The following CDCA7L variants were observed in gnomAD, a reference collection of about 807,000 sequenced individuals.
CDCA7L encodes cell division cycle associated 7 like, also known as cell division cycle-associated 7-like protein.
Under a neutral mutation model 57.4 loss-of-function variants are expected in CDCA7L, and 44 were observed. That is an observed-to-expected ratio of 0.77 (90% CI 0.60 to 0.98). The LOEUF (loss-of-function observed/expected upper bound fraction) is 0.98, where lower values mean the gene tolerates loss of function less well. Ranked by LOEUF, CDCA7L falls within the 50% of genes least tolerant of loss-of-function variation. CDCA7L has a pLI of 0.00. For synonymous variants in CDCA7L, 236 were observed against 202.8 expected (o/e 1.16, Z -1.39); for missense variants, 644 against 580.6 (o/e 1.11, Z -1.12).
At chr7:21,908,827 A>G (rs982721446) in intron 3 of CDCA7L, among the ~76,000 whole-genome samples, 1 of 152,220 alleles carries the variant, frequency 6.6e-6, no homozygotes, top group Non-Finnish European at 1.5e-5. Context: ...AGGGAGCACC[A>G]GCAAGAGGAG....
intron 3 of CDCA7L, among the ~76,000 whole-genome samples, chr7:21,908,899 C>A (rs538355215): frequency 7.2e-5 from 11 of 152,266 alleles, no homozygotes; most frequent in African/African-American, 2.6e-4. Flanking sequence ...CAGGAAAGGA[C>A]GCAACGGGGG....
intron 1 of CDCA7L, among the ~76,000 whole-genome samples, chr7:21,930,316 G>A (rs1166407763): frequency 6.6e-6 from 1 of 152,216 alleles, no homozygotes; most frequent in Non-Finnish European, 1.5e-5. Flanking sequence ...AGCTAAAGCA[G>A]TGTTGAGAGG....
At chr7:21,911,855 G>T in intron 2 of CDCA7L, 101 bp from the exon 3 acceptor site, 1 of 1,066,268 alleles carries the variant, frequency 9.4e-7, no homozygotes, top group Non-Finnish European at 1.3e-6. Context: ...AGCTTCTGAT[G>T]GAGATGACGA....
rs529757056 is a variant in CDCA7L, at chr7:21,919,273, A to G, written c.25-2379T>C. On this transcript the variant is annotated intron_variant, in intron 1 of 9. Transcript: ENST00000406877. ...ATGGATTTCTAAAAATTATTATTAA[A>G]TGTGTTATAATCCATACTCTCATAA... 2.0e-5 allele frequency among the ~76,000 whole-genome samples: 3 copies of G among 152,264 alleles called. No individual in the cohort carries two copies. In the South Asian group the frequency reaches 6.2e-4, roughly 32 times the overall value.
chr7:21,938,962 T>A (rs1786258830), intron 1 of CDCA7L, among the ~76,000 whole-genome samples: 2 of 152,128 alleles, frequency 1.3e-5, no homozygotes, highest in Admixed American at 1.3e-4. Context: ...TGAGCCACGA[T>A]AGCACCACTG....
intron 2 of CDCA7L, among the ~76,000 whole-genome samples, chr7:21,914,101 T>C (rs1392564400): frequency 6.6e-6 from 1 of 152,142 alleles, no homozygotes; most frequent in East Asian, 1.9e-4. Flanking sequence ...GAAGCTAACA[T>C]AGGTGGATAA....
At position 21,911,705 on chromosome 7, in the gene CDCA7L, ATTC is replaced by A. The variant is rs1785333716; in HGVS notation, c.212_214del (p.Arg71del). The A allele has an allele frequency of 6.2e-7, 1 of 1,613,960 alleles. No individual in the cohort carries two copies. Among genetic ancestry groups the A allele is most frequent in the Non-Finnish European group, 8.5e-7 (1 of 1,179,988 alleles). ...CTCTGAGTCAGTGTCCTCTATAAAAATTCTTCTTAGCTCTTCTGTGAAGTATTT... is the reference window on the plus strand; with the variant it reads ...CTCTGAGTCAGTGTCCTCTATAAAAATTCTTAGCTCTTCTGTGAAGTATTT... On this transcript the variant is annotated inframe_deletion, in exon 3 of 10. Coordinates refer to ENST00000406877, the MANE Select transcript of CDCA7L (RefSeq NM_018719.5).
At chr7:21,906,997 T>A (rs1445034344) in intron 4 of CDCA7L, among the ~76,000 whole-genome samples, 1 of 152,088 alleles carries the variant, frequency 6.6e-6, no homozygotes, top group Non-Finnish European at 1.5e-5. Context: ...CACACGTGAG[T>A]CTCAAGTTTC....
intron 3 of CDCA7L, among the ~76,000 whole-genome samples, chr7:21,910,338 G>C (rs146240415): frequency 1.2e-4 from 18 of 152,332 alleles, no homozygotes; most frequent in African/African-American, 4.3e-4. Flanking sequence ...AGCCAAAGGA[G>C]ACCTGGGGCC....
intron 1 of CDCA7L, among the ~76,000 whole-genome samples, chr7:21,927,581 C>CA (rs2128066014): frequency 6.6e-6 from 1 of 152,168 alleles, no homozygotes; most frequent in African/African-American, 2.4e-5. Flanking sequence ...AGAAAGAAAA[C>CA]AGAGAGAAAA....
intron 1 of CDCA7L, among the ~76,000 whole-genome samples, chr7:21,928,216 A>C (rs1206899812): frequency 1.3e-5 from 2 of 152,192 alleles, no homozygotes; most frequent in Non-Finnish European, 2.9e-5. Flanking sequence ...GAGGGGCCTG[A>C]CTGTTAGAAG....
intron 2 of CDCA7L, among the ~76,000 whole-genome samples, chr7:21,914,957 G>A (rs1426151245): frequency 6.6e-6 from 1 of 152,152 alleles, no homozygotes; most frequent in African/African-American, 2.4e-5. Flanking sequence ...CTTTAGACAT[G>A]TTCTGCCTTG....
chr7:21,917,429 A>T (rs1487986350), intron 1 of CDCA7L, among the ~76,000 whole-genome samples: 1 of 152,238 alleles, frequency 6.6e-6, no homozygotes, highest in African/African-American at 2.4e-5. Flanking sequence ...GATTAATTCT[A>T]ACAGAATTCA....
intron 2 of CDCA7L, among the ~76,000 whole-genome samples, chr7:21,914,020 A>G (rs1369366984): frequency 1.3e-5 from 2 of 152,202 alleles, no homozygotes; most frequent in African/African-American, 4.8e-5. Context: ...CAAAATCAAT[A>G]CTGGGTGCTA....
intron 3 of CDCA7L, 44 bp from the exon 4 acceptor site, chr7:21,908,551 G>T: frequency 7.0e-7 from 1 of 1,421,056 alleles, no homozygotes; most frequent in Non-Finnish European, 9.2e-7. Context: ...CACTGTTACA[G>T]ACCCACAAAA....
At chr7:21,935,940 G>A (rs550880237) in intron 1 of CDCA7L, among the ~76,000 whole-genome samples, 8 of 152,074 alleles carry the variant, frequency 5.3e-5, no homozygotes, top group South Asian at 4.1e-4. Context: ...CCCAGGAGGC[G>A]GAGGTTGCAG....
At chr7:21,905,432 G>C (rs752909106) in intron 7 of CDCA7L, 74 bp downstream of exon 7, 6 of 1,526,494 alleles carry the variant, frequency 3.9e-6, no homozygotes, top group Non-Finnish European at 4.5e-6. Flanking sequence ...CCCTGATAGA[G>C]TTTAAAAACA....
Position 21,911,615 on chromosome 7 carries a change from A to C in CDCA7L, c.303+2T>G. On this transcript the variant is annotated splice_donor_variant, in intron 3 of 9. Coordinates refer to ENST00000406877, the MANE Select transcript of CDCA7L (RefSeq NM_018719.5). LOFTEE classifies it high-confidence loss of function. Reference sequence around the variant, plus strand: ...CACATCCCTTCCTGTTGTAATTATTACCATTACTTCTGGGTTAGTCTTTCC... The same window carrying C: ...CACATCCCTTCCTGTTGTAATTATTCCCATTACTTCTGGGTTAGTCTTTCC... The C allele has an allele frequency of 6.2e-7, 1 of 1,608,526 alleles. No individual in the cohort carries two copies. Among genetic ancestry groups the C allele is most frequent in the East Asian group, 2.2e-5 (1 of 44,700 alleles).
intron 1 of CDCA7L, among the ~76,000 whole-genome samples, chr7:21,935,945 T>C (rs1423865205): frequency 6.6e-6 from 1 of 151,862 alleles, no homozygotes; most frequent in African/African-American, 2.4e-5. Context: ...GAGGCGGAGG[T>C]TGCAGTGAGC....
Sources: gnomAD v4.1 joint callset for allele counts (sites outside exome capture counted in the v4.1 genomes callset) on GRCh38, gnomAD v4.1.1 for gene constraint, MANE v1.5 for transcripts, NCBI Gene and HGNC (gene_info 2026-07-23, HGNC 2026-07-21) for gene names.